Variants in ATP6V0C observed in about 807,000 individuals in gnomAD.
ATP6V0C encodes the protein V-type proton ATPase 16 kDa proteolipid subunit c.
Under a neutral mutation model 10.6 loss-of-function variants are expected in ATP6V0C, and 2 were observed. That is an observed-to-expected ratio of 0.19 (90% CI 0.08 to 0.59). The LOEUF is 0.59. Ranked by LOEUF, ATP6V0C falls within the 20% of genes least tolerant of loss-of-function variation. ATP6V0C has a pLI of 0.90. For synonymous variants in ATP6V0C, 128 were observed against 101.3 expected (o/e 1.26, Z -1.59); for missense variants, 89 against 225.9 (o/e 0.39, Z 3.88).
At position 2,519,784 on chromosome 16, in the gene ATP6V0C, A is replaced by C; in HGVS notation, c.*39A>C. ...CCACCAGCCACAGAATATTATGTAA[A>C]GACCACCCCTCCTCATTCCAGAACG... On this transcript the variant is annotated 3_prime_UTR_variant, in exon 3 of 3. Coordinates refer to ENST00000330398, the MANE Select transcript of ATP6V0C (RefSeq NM_001694.4). 6.3e-7 allele frequency: 1 copy of C among 1,581,484 alleles called. No homozygotes were observed.
upstream of ATP6V0C, chr16:2,513,906 C>T (rs916078461): frequency 1.9e-6 from 1 of 520,202 alleles, no homozygotes. Context: ...GTACGGCTCG[C>T]AGGGGCGGGG....
At chr16:2,519,492 C>T (rs199740723) in intron 2 of ATP6V0C, 49 bp from the exon 3 acceptor site, 1 of 1,544,344 alleles carries the variant, frequency 6.5e-7, no homozygotes, top group Non-Finnish European at 8.7e-7. Flanking sequence ...ACCCTTGTCT[C>T]CCCCTGGTTG....
rs1172311147 is a variant in ATP6V0C at position 2,514,238 on chromosome 16, C to A, written c.79+56C>A. 31 of 1,477,508 alleles carry A rather than the reference C, an allele frequency of 2.1e-5. 1 individual carries two copies. The highest frequency in any genetic ancestry group is 2.7e-5 in the Non-Finnish European group (30 of 1,101,764). The allele number at this position is 1,477,508 out of a possible 1,614,324, so 91.5% of individuals were successfully genotyped here. A position where few individuals can be genotyped will look rare whatever the true frequency, so the allele number is the denominator to read the frequency against. The stretch of plus-strand genomic sequence containing the variant: ...CGGGGGCGCGCGCGTTGCTCATGCC[C>A]GCAGCTCGCCGGGGTCCGGTGTGTG... On this transcript the variant is annotated intron_variant, in intron 1 of 2. Transcript: ENST00000330398.
chr16:2,516,665 G>C (rs530991452), intron 1 of ATP6V0C: 1 of 152,456 alleles, frequency 6.6e-6, no homozygotes, highest in South Asian at 2.1e-4. Flanking sequence ...CATGACAAAT[G>C]TCCTGTTCTT....
At chr16:2,516,918 C>A (rs2065879949) in intron 1 of ATP6V0C, 1 of 152,816 alleles carries the variant, frequency 6.5e-6, no homozygotes. Flanking sequence ...TGGTGGCCAT[C>A]CCTTTCTTCC....
intron 1 of ATP6V0C, among the ~76,000 whole-genome samples, chr16:2,515,837 A>G (rs565976870): frequency 2.0e-5 from 3 of 152,266 alleles, no homozygotes; most frequent in African/African-American, 7.2e-5. Context: ...TGGAACTTAA[A>G]TTCTAGCTGT....
At chr16:2,514,280 A>C in intron 1 of ATP6V0C, 98 bp downstream of exon 1, 1 of 1,307,992 alleles carries the variant, frequency 7.6e-7, no homozygotes, top group Non-Finnish European at 1.0e-6. Context: ...CTCTGACGTA[A>C]TCCCGAGCTG....
chr16:2,518,850 A>G (rs914301843), intron 1 of ATP6V0C: 2 of 240,298 alleles, frequency 8.3e-6, no homozygotes, highest in African/African-American at 4.5e-5. Flanking sequence ...GGGTCGACTG[A>G]CCCTGACCCC....
At position 2,519,948 on chromosome 16, in the gene ATP6V0C, G is replaced by A. The variant is rs1342862583; in HGVS notation, c.*203G>A. ...CCGTGGACATCTGGGCCCACTCATC[G>A]CCCCTCCAGGCCCCCGGCGCCCCAC... On this transcript the variant is annotated 3_prime_UTR_variant, in exon 3 of 3. Coordinates refer to ENST00000330398, the MANE Select transcript of ATP6V0C (RefSeq NM_001694.4). The A allele has an allele frequency of 6.5e-6, 4 of 614,768 alleles. No homozygotes were observed. In the East Asian group the frequency reaches 1.2e-4, roughly 19 times the overall value. 38.1% of individuals were successfully genotyped at this position (614,768 alleles called of 1,614,324 possible).
chr16:2,515,029 A>C (rs893866209), intron 1 of ATP6V0C, among the ~76,000 whole-genome samples: 1 of 151,726 alleles, frequency 6.6e-6, no homozygotes, highest in African/African-American at 2.4e-5. Context: ...TAATGAATGG[A>C]GGGGTGAATG....
rs752604908 is a variant in ATP6V0C, at chr16:2,519,709, C to T, written c.432C>T (p.Tyr144=). The change falls in exon 3 of 3, where the codon TAC becomes TAT. Residue 144 remains tyrosine, a synonymous_variant. Transcript: ENST00000330398. ...TCTTCGCCGAGGTGCTCGGCCTCTA[C>T]GGTCTCATCGTCGCCCTCATCCTCT... The part of the protein sequence containing the change: ...ILIFAEVLGL[Y]GLIVALILST... The T allele has an allele frequency of 1.2e-5, 19 of 1,610,672 alleles. No homozygotes were observed. The South Asian group carries it at 1.4e-4, about 12-fold the overall frequency.
chr16:2,516,299 G>C (rs1033825136), intron 1 of ATP6V0C, among the ~76,000 whole-genome samples: 1 of 151,738 alleles, frequency 6.6e-6, no homozygotes, highest in African/African-American at 2.4e-5. Context: ...TTTAGAGACA[G>C]GGTCTCGCCA....
chr16:2,515,199 A>C (rs2065871254), intron 1 of ATP6V0C, among the ~76,000 whole-genome samples: 1 of 152,058 alleles, frequency 6.6e-6, no homozygotes, highest in African/African-American at 2.4e-5. Context: ...CCCTGGGAGA[A>C]TGGCACTTGG....
chr16:2,514,003 TCGC>T lies in ATP6V0C; in HGVS notation c.-93_-91del. 1 of 1,131,498 alleles carries T rather than the reference TCGC, an allele frequency of 8.8e-7. No homozygotes were observed. The highest frequency in any genetic ancestry group is 1.2e-6 in the Non-Finnish European group (1 of 805,822). The allele number at this position is 1,131,498 out of a possible 1,614,324, so 70.1% of individuals were successfully genotyped here. A position where few individuals can be genotyped will look rare whatever the true frequency, so the allele number is the denominator to read the frequency against. On this transcript the variant is annotated 5_prime_UTR_variant, in exon 1 of 3. Transcript: ENST00000330398. ...CAGCGGCTGACGGGCCGGATCGCCT[TCGC>T]CGCCGCCCGCCCGCAAACCTTCGTG...
rs984905318 is a variant in ATP6V0C, at chr16:2,514,037, C to T, written c.-67C>T. 18 of 1,438,390 alleles carry T rather than the reference C, an allele frequency of 1.3e-5. No homozygotes were observed. Among genetic ancestry groups the T allele is most frequent in the African/African-American group, 1.2e-4 (8 of 67,584 alleles). The allele number at this position is 1,438,390 out of a possible 1,614,324, so 89.1% of individuals were successfully genotyped here. A position where few individuals can be genotyped will look rare whatever the true frequency, so the allele number is the denominator to read the frequency against. ...CCCGCCCGCAAACCTTCGTGCCCGG[C>T]CCGTCCTCGCCCCCGCCTCCGCCAC... is the stretch of plus-strand genomic sequence containing the variant. On this transcript the variant is annotated 5_prime_UTR_variant, in exon 1 of 3. Transcript: ENST00000330398.
intron 1 of ATP6V0C, among the ~76,000 whole-genome samples, chr16:2,516,118 T>C (rs1349149058): frequency 2.7e-5 from 4 of 150,464 alleles, no homozygotes; most frequent in South Asian, 2.1e-4. Flanking sequence ...TTTTTTTTTT[T>C]TCTCCCCTCC....
At position 2,519,938 on chromosome 16, in the gene ATP6V0C, C is replaced by T. The variant is rs2065901744; in HGVS notation, c.*193C>T. 1.3e-6 allele frequency: 1 copy of T among 746,668 alleles called. No individual in the cohort carries two copies. Among genetic ancestry groups the T allele is most frequent in the Non-Finnish European group, 2.2e-6 (1 of 460,120 alleles). 46.3% of individuals were successfully genotyped at this position (746,668 alleles called of 1,614,324 possible). A position where few individuals can be genotyped will look rare whatever the true frequency, so the allele number is the denominator to read the frequency against. ...CCGCCCCGTGCCGTGGACATCTGGG[C>T]CCACTCATCGCCCCTCCAGGCCCCC... On this transcript the variant is annotated 3_prime_UTR_variant, in exon 3 of 3. Coordinates refer to ENST00000330398, the MANE Select transcript of ATP6V0C (RefSeq NM_001694.4).
At position 2,519,817 on chromosome 16, in the gene ATP6V0C, T is replaced by C; in HGVS notation, c.*72T>C. 1.9e-6 allele frequency: 3 copies of C among 1,566,750 alleles called. No homozygotes were observed. Among genetic ancestry groups the C allele is most frequent in the Admixed American group, 1.7e-5 (1 of 57,970 alleles). On this transcript the variant is annotated 3_prime_UTR_variant, in exon 3 of 3. Coordinates refer to ENST00000330398, the MANE Select transcript of ATP6V0C (RefSeq NM_001694.4). The stretch of plus-strand genomic sequence containing the variant: ...CCTCCTCATTCCAGAACGAACAGCC[T>C]GACACATACGCACGGGGCCGCCGCC...
rs11367350 is a variant in ATP6V0C at position 2,516,097 on chromosome 16, CTTTTTTTTTT to C, written c.79+1928_79+1937del. ...TTCACTTGGCCAATTCAGACAACTG[CTTTTTTTTTT>C]TTTTTTTTTTTTCTCCCCTCCTCAA... On this transcript the variant is annotated intron_variant, in intron 1 of 2. Transcript: ENST00000330398. Among the ~76,000 whole-genome samples the C allele has an allele frequency of 4.0e-5, 5 of 125,028 alleles. No individual in the cohort carries two copies. In the South Asian group the frequency reaches 1.3e-3, roughly 32 times the overall value. 82.0% of individuals were successfully genotyped at this position (125,028 alleles called of 152,430 possible).
Sources: allele counts gnomAD v4.1 joint callset (sites outside exome capture counted in the v4.1 genomes callset), GRCh38; gene constraint gnomAD v4.1.1; transcripts MANE v1.5; gene names NCBI Gene and HGNC (gene_info 2026-07-23, HGNC 2026-07-21).